Variants in SPOCK3 observed in about 807,000 individuals in gnomAD.
SPOCK3 encodes testican-3.
In SPOCK3, 30 loss-of-function variants were observed where a neutral mutation model predicts 56.6. The ratio of observed to expected loss-of-function variants is 0.53; its 90% CI spans 0.40 to 0.72. The LOEUF is 0.72. Among genes scored for constraint, SPOCK3 ranks in the 30% least tolerant of loss-of-function variants. The pLI is 0.00. For synonymous variants in SPOCK3, 196 were observed against 183.3 expected, an observed-to-expected ratio of 1.07 and a Z score of -0.56; for missense variants, 527 against 530.0, an observed-to-expected ratio of 0.99 and a Z score of 0.06.
intron 6 of SPOCK3, among the ~76,000 whole-genome samples, chr4:166,882,002 C>T (rs764319245): frequency 1.1e-4 from 17 of 151,978 alleles, no homozygotes; most frequent in Non-Finnish European, 1.3e-4. Context: ...TTTTAAGATA[C>T]GTACTGGGTG....
At chr4:166,930,269 G>T (rs1739589386) in intron 4 of SPOCK3, among the ~76,000 whole-genome samples, 1 of 152,000 alleles carries the variant, frequency 6.6e-6, no homozygotes, top group Non-Finnish European at 1.5e-5. Context: ...AAGAAAAAGG[G>T]GAGTAAAGAT....
chr4:166,804,492 C>T (rs536230010), intron 6 of SPOCK3, among the ~76,000 whole-genome samples: 9 of 152,192 alleles, frequency 5.9e-5, no homozygotes, highest in African/African-American at 2.2e-4. Flanking sequence ...AGTAGACAAG[C>T]CCTGAGCTGG....
intron 6 of SPOCK3, among the ~76,000 whole-genome samples, chr4:166,829,665 T>C (rs1745833477): frequency 6.6e-6 from 1 of 152,126 alleles, no homozygotes; most frequent in Non-Finnish European, 1.5e-5. Context: ...ATATTATTGA[T>C]GCAAATTTAA....
intron 2 of SPOCK3, among the ~76,000 whole-genome samples, chr4:167,094,841 G>A (rs1243419441): frequency 2.0e-5 from 3 of 152,162 alleles, no homozygotes; most frequent in East Asian, 1.9e-4. Context: ...AATGTACATA[G>A]AGAAAGACAC....
At chr4:167,092,557 C>T (rs1167318761) in intron 2 of SPOCK3, among the ~76,000 whole-genome samples, 1 of 152,090 alleles carries the variant, frequency 6.6e-6, no homozygotes, top group Non-Finnish European at 1.5e-5. Flanking sequence ...CTACATTCTT[C>T]GTAGAAATTG....
intron 2 of SPOCK3, among the ~76,000 whole-genome samples, chr4:167,153,681 T>A (rs906599589): frequency 6.6e-6 from 1 of 152,150 alleles, no homozygotes; most frequent in African/African-American, 2.4e-5. Flanking sequence ...CTTTGTGGCT[T>A]TAAATTTTAG....
At chr4:166,895,874 T>G (rs1303810502) in intron 5 of SPOCK3, among the ~76,000 whole-genome samples, 1 of 152,100 alleles carries the variant, frequency 6.6e-6, no homozygotes, top group Non-Finnish European at 1.5e-5. Flanking sequence ...TAAAACATAG[T>G]GTTTCCTCTG....
chr4:166,968,079 T>C (rs529313040), intron 4 of SPOCK3, among the ~76,000 whole-genome samples: 194 of 152,290 alleles, frequency 1.3e-3, no homozygotes, highest in African/African-American at 4.2e-3. Context: ...TTAGGGTAGC[T>C]GGTGGAAGAA....
At chr4:167,146,082 T>C (rs907572743) in intron 2 of SPOCK3, among the ~76,000 whole-genome samples, 3 of 151,790 alleles carry the variant, frequency 2.0e-5, no homozygotes, top group African/African-American at 7.3e-5. Context: ...TGTGCAAACA[T>C]ACACAGAGGC....
At chr4:167,019,246 T>C (rs1405466187) in intron 3 of SPOCK3, among the ~76,000 whole-genome samples, 1 of 152,074 alleles carries the variant, frequency 6.6e-6, no homozygotes, top group Non-Finnish European at 1.5e-5. Flanking sequence ...TTGGCACCCA[T>C]TTTATTGTTT....
At chr4:166,853,246 A>T (rs1730317534) in intron 6 of SPOCK3, among the ~76,000 whole-genome samples, 1 of 152,204 alleles carries the variant, frequency 6.6e-6, no homozygotes, top group Non-Finnish European at 1.5e-5. Context: ...AGAAGAACTA[A>T]AACTGGTAAT....
chr4:167,071,930 T>C (rs1404965794), intron 2 of SPOCK3, among the ~76,000 whole-genome samples: 1 of 152,094 alleles, frequency 6.6e-6, no homozygotes, highest in African/African-American at 2.4e-5. Context: ...TGGTGTGAGA[T>C]GGTATCTCAT....
At chr4:167,033,599 G>A (rs1752474657) in intron 3 of SPOCK3, among the ~76,000 whole-genome samples, 1 of 151,822 alleles carries the variant, frequency 6.6e-6, no homozygotes, top group Non-Finnish European at 1.5e-5. Context: ...TACATGGCAT[G>A]CAGGCCTTCA....
At chr4:166,823,688 T>C (rs901393821) in intron 6 of SPOCK3, among the ~76,000 whole-genome samples, 1 of 152,088 alleles carries the variant, frequency 6.6e-6, no homozygotes, top group Admixed American at 6.6e-5. Flanking sequence ...ATGCATTGCA[T>C]CTACATCCCT....
chr4:167,128,453 ATCT>A (rs765655038), intron 2 of SPOCK3, among the ~76,000 whole-genome samples: 3 of 152,150 alleles, frequency 2.0e-5, no homozygotes, highest in Non-Finnish European at 2.9e-5. Context: ...AGTGGTCCTC[ATCT>A]TCTTCTCAAT....
chr4:166,889,160 G>A lies in SPOCK3; in HGVS notation c.559C>T (p.Pro187Ser). 1.9e-6 allele frequency: 3 copies of A among 1,610,208 alleles called. No homozygotes were observed. Among genetic ancestry groups the A allele is most frequent in the Non-Finnish European group, 2.5e-6 (3 of 1,177,298 alleles). The change falls in exon 6 of 11, where the codon CCC (proline) becomes TCC (serine). Residue 187 changes from proline to serine, a missense_variant. Pro to Ser is a moderately conservative substitution (Grantham distance 74, BLOSUM62 -1). Coordinates refer to ENST00000357545, the MANE Select transcript of SPOCK3 (RefSeq NM_001040159.2). ...TTAACATTTCTGCTTGTACTGGTGG[G>A]CTTATCTGAAGGACATGGGCAATGT... is the stretch of plus-strand genomic sequence containing the variant. ...EGHCPCPSDK[P>S]TSTSRNVKRA...
intron 2 of SPOCK3, among the ~76,000 whole-genome samples, chr4:167,076,937 A>G (rs1757240393): frequency 6.6e-6 from 1 of 151,924 alleles, no homozygotes. Flanking sequence ...TACGTTTACT[A>G]TAATTCAGTC....
In SPOCK3 at chr4:167,227,837, C is replaced by G. The variant is rs565295914; in HGVS notation, c.189+6148G>C. 1.8e-4 allele frequency among the ~76,000 whole-genome samples: 28 copies of G among 152,100 alleles called. 1 individual carries two copies. Among genetic ancestry groups the G allele is most frequent in the African/African-American group, 6.7e-4 (28 of 41,512 alleles). On this transcript the variant is annotated intron_variant, in intron 2 of 10. Coordinates refer to ENST00000357545, the MANE Select transcript of SPOCK3 (RefSeq NM_001040159.2). Reference sequence around the variant, plus strand: ...TCATAAGATCTAAAAGCATCCAACCCCAAAGTCTTACTGTCAGAGTAGCAA... The same window carrying G: ...TCATAAGATCTAAAAGCATCCAACCGCAAAGTCTTACTGTCAGAGTAGCAA...
intron 4 of SPOCK3, chr4:166,918,239 G>T (rs1579644039): frequency 6.6e-6 from 1 of 152,114 alleles, no homozygotes; most frequent in Non-Finnish European, 1.5e-5. Context: ...AGCTGGAAAA[G>T]CCTACATGGA....
Sources: gnomAD v4.1 joint callset for allele counts (sites outside exome capture counted in the v4.1 genomes callset) on GRCh38, gnomAD v4.1.1 for gene constraint, MANE v1.5 for transcripts, NCBI Gene and HGNC (gene_info 2026-07-23, HGNC 2026-07-21) for gene names.